PLEKHA7: variants seen among roughly 807,000 people sequenced by gnomAD.
PLEKHA7 encodes pleckstrin homology domain-containing family A member 7.
PLEKHA7 carries 104 observed loss-of-function variants against 170.0 expected under a neutral mutation model. The observed-to-expected ratio is 0.61, with a 90% CI of 0.52 to 0.72. The LOEUF is 0.72. Ranked by LOEUF, PLEKHA7 falls within the 30% of genes least tolerant of loss-of-function variation. PLEKHA7 has a pLI of 0.00. For synonymous variants in PLEKHA7, 648 were observed against 660.8 expected (o/e 0.98, Z 0.30); for missense variants, 1,615 against 1,671.7 (o/e 0.97, Z 0.59).
chr11:16,879,607 CCT>C (rs1403342495), intron 3 of PLEKHA7, among the ~76,000 whole-genome samples: 1 of 152,194 alleles, frequency 6.6e-6, no homozygotes, highest in Non-Finnish European at 1.5e-5. Flanking sequence ...AGACCCCCCA[CCT>C]GAGGGGCAGT....
At chr11:16,882,860 T>TCACACACACACACACACA (rs768102944) in intron 3 of PLEKHA7, among the ~76,000 whole-genome samples, 158 of 151,840 alleles carry the variant, frequency 1.0e-3, no homozygotes, top group African/African-American at 3.7e-3. Context: ...ATACACATAT[T>TCACACACACACACACACA]CACACACACA....
At chr11:16,872,440 C>T (rs1854932306) in intron 3 of PLEKHA7, among the ~76,000 whole-genome samples, 1 of 152,160 alleles carries the variant, frequency 6.6e-6, no homozygotes, top group Non-Finnish European at 1.5e-5. Flanking sequence ...TGCTTTTTCA[C>T]ATCCTATTAA....
At chr11:16,984,157 T>C (rs1863596501) in intron 3 of PLEKHA7, among the ~76,000 whole-genome samples, 1 of 152,144 alleles carries the variant, frequency 6.6e-6, no homozygotes, top group Non-Finnish European at 1.5e-5. Flanking sequence ...TTAAACATGC[T>C]ACCTACATTA....
chr11:16,933,778 G>C (rs1012099707), intron 3 of PLEKHA7, among the ~76,000 whole-genome samples: 1 of 152,224 alleles, frequency 6.6e-6, no homozygotes, highest in Non-Finnish European at 1.5e-5. Context: ...GCATCTCATG[G>C]TCTTGTGAAT....
At chr11:16,963,113 G>C (rs1862166738) in intron 3 of PLEKHA7, among the ~76,000 whole-genome samples, 1 of 152,200 alleles carries the variant, frequency 6.6e-6, no homozygotes, top group Non-Finnish European at 1.5e-5. Flanking sequence ...ACAAGGCCTT[G>C]TACACAGTGC....
intron 3 of PLEKHA7, among the ~76,000 whole-genome samples, chr11:16,946,047 G>A (rs1361227740): frequency 2.0e-5 from 3 of 152,184 alleles, no homozygotes; most frequent in East Asian, 1.9e-4. Context: ...CTCCACTGTC[G>A]TTTCCTCCTC....
At position 16,841,659 on chromosome 11, in the gene PLEKHA7, GCT is replaced by G. The variant is rs758294418; in HGVS notation, c.758_759del (p.Glu253AlafsTer77). ...YNSSTAGSQA[E>X]QSGMRTYYFS... Reference sequence around the variant, plus strand: ...AAGTAGTAGGTCCTCATGCCTGACTGCTCGGCCTGAGAGCCCGCTGTGGAGCT... The same window carrying G: ...AAGTAGTAGGTCCTCATGCCTGACTGCGGCCTGAGAGCCCGCTGTGGAGCT... On this transcript the variant is annotated frameshift_variant, in exon 9 of 27. Coordinates refer to ENST00000531066, the MANE Select transcript of PLEKHA7 (RefSeq NM_001329630.2). LOFTEE classifies it high-confidence loss of function. The G allele has an allele frequency of 6.2e-7, 1 of 1,614,166 alleles. No homozygotes were observed. The highest frequency in any genetic ancestry group is 1.3e-5 in the African/African-American group (1 of 75,030).
chr11:16,865,684 G>A (rs1313881386), intron 4 of PLEKHA7, among the ~76,000 whole-genome samples: 1 of 149,580 alleles, frequency 6.7e-6, no homozygotes, highest in Admixed American at 6.6e-5. Flanking sequence ...GCAACACAGG[G>A]AGACACCATC....
chr11:16,918,928 A>C (rs1858889850), intron 3 of PLEKHA7, among the ~76,000 whole-genome samples: 1 of 152,058 alleles, frequency 6.6e-6, no homozygotes, highest in Non-Finnish European at 1.5e-5. Context: ...ATTCACCCCT[A>C]GGCCCAGCAC....
At chr11:16,973,959 C>A (rs1159632334) in intron 3 of PLEKHA7, among the ~76,000 whole-genome samples, 1 of 152,184 alleles carries the variant, frequency 6.6e-6, no homozygotes, top group Admixed American at 6.5e-5. Flanking sequence ...CTGCATGACC[C>A]CTCTCCCACC....
rs754830042 is a variant in PLEKHA7 at position 16,817,378 on chromosome 11, T to C, written c.1344-56A>G. 6.6e-7 allele frequency: 1 copy of C among 1,507,996 alleles called. No individual in the cohort carries two copies. Among genetic ancestry groups the C allele is most frequent in the African/African-American group, 1.4e-5 (1 of 72,346 alleles). 93.4% of individuals were successfully genotyped at this position (1,507,996 alleles called of 1,614,324 possible). On this transcript the variant is annotated intron_variant, in intron 10 of 26. Transcript: ENST00000531066. The surrounding 1 kb of genome is among the most constrained non-coding windows in gnomAD (Gnocchi z 4.4). ...AACCAAGCGAGGGTTCTGCAGGCTT[T>C]GGGGAACATATCTAAGTAAACCCAC...
At chr11:16,895,390 G>A (rs1477179595) in intron 3 of PLEKHA7, among the ~76,000 whole-genome samples, 2 of 152,196 alleles carry the variant, frequency 1.3e-5, no homozygotes, top group East Asian at 1.9e-4. Context: ...ATCCTCGACT[G>A]CACCATCCAC....
At chr11:16,790,539 G>A in intron 21 of PLEKHA7, 1 of 481,160 alleles carries the variant, frequency 2.1e-6, no homozygotes, top group Admixed American at 3.5e-5. Flanking sequence ...TATATAAAGT[G>A]CTTAAACAGT....
intron 3 of PLEKHA7, among the ~76,000 whole-genome samples, chr11:16,962,122 G>C (rs900801913): frequency 6.6e-6 from 1 of 152,214 alleles, no homozygotes; most frequent in Admixed American, 6.5e-5. Context: ...CAGATGAGGA[G>C]GCAGCCCTGT....
chr11:16,877,389 A>G (rs1855380917), intron 3 of PLEKHA7, among the ~76,000 whole-genome samples: 1 of 152,150 alleles, frequency 6.6e-6, no homozygotes, highest in African/African-American at 2.4e-5. Flanking sequence ...TTCAGCTCCA[A>G]TTTGGGCCCC....
chr11:16,783,349 C>T (rs1849176564), intron 25 of PLEKHA7, among the ~76,000 whole-genome samples: 1 of 152,218 alleles, frequency 6.6e-6, no homozygotes, highest in Non-Finnish European at 1.5e-5. Flanking sequence ...GTGCACAGGC[C>T]CGAATGCTGG....
chr11:16,781,626 C>T (rs187714356), intron 26 of PLEKHA7, among the ~76,000 whole-genome samples: 4 of 152,262 alleles, frequency 2.6e-5, no homozygotes, highest in East Asian at 3.9e-4. Flanking sequence ...AGAGGACAGC[C>T]AAGATTTCAA....
rs896814164 is a variant in PLEKHA7, at chr11:16,783,687, A to G, written c.3650+13T>C. On this transcript the variant is annotated intron_variant, in intron 25 of 26. Coordinates refer to ENST00000531066, the MANE Select transcript of PLEKHA7 (RefSeq NM_001329630.2). ...AGGGTGACCTGCCAACACTTGAGCA[A>G]GCGAGGGCTGACCTTGACCGGGCGA... 2.5e-5 allele frequency: 35 copies of G among 1,425,700 alleles called. No homozygotes were observed. Among genetic ancestry groups the G allele is most frequent in the Admixed American group, 5.3e-5 (2 of 37,882 alleles). The allele number at this position is 1,425,700 out of a possible 1,614,324, so 88.3% of individuals were successfully genotyped here.
At chr11:16,969,606 C>T (rs1288941351) in intron 3 of PLEKHA7, among the ~76,000 whole-genome samples, 1 of 152,132 alleles carries the variant, frequency 6.6e-6, no homozygotes, top group Non-Finnish European at 1.5e-5. Context: ...TGCAACTGTT[C>T]AGCCACCACG....
Sources: gnomAD v4.1 joint callset for allele counts (sites outside exome capture counted in the v4.1 genomes callset) on GRCh38, gnomAD v4.1.1 for gene constraint, Gnocchi (gnomAD v3.1) non-coding constraint, MANE v1.5 for transcripts, NCBI Gene and HGNC (gene_info 2026-07-23, HGNC 2026-07-21) for gene names.